Variants in DNAJC5 observed in about 807,000 individuals in gnomAD.
DNAJC5 encodes DnaJ heat shock protein family (Hsp40) member C5, also known as dnaJ homolog subfamily C member 5.
Under a neutral mutation model 23.2 loss-of-function variants are expected in DNAJC5, and 1 was observed. That is an observed-to-expected ratio of 0.04 (90% CI 0.02 to 0.20). The LOEUF is 0.20. Ranked by LOEUF, DNAJC5 falls within the 10% of genes least tolerant of loss-of-function variation. The probability of loss-of-function intolerance (pLI) is 1.00; values close to 1 mark genes in which losing one functional copy is unlikely to be tolerated. For missense variants in DNAJC5, 180 were observed against 267.0 expected, an observed-to-expected ratio of 0.67 and a Z score of 2.27; for synonymous variants, 136 against 120.0, an observed-to-expected ratio of 1.13 and a Z score of -0.87.
intron 1 of DNAJC5, among the ~76,000 whole-genome samples, chr20:63,905,219 G>A (rs564445440): frequency 2.6e-5 from 4 of 151,108 alleles, no homozygotes; most frequent in Non-Finnish European, 4.4e-5. Context: ...GGGTTCAAGT[G>A]ACTCTCCTGC....
At chr20:63,927,544 C>A (rs1022600596) in intron 1 of DNAJC5, among the ~76,000 whole-genome samples, 25 of 149,612 alleles carry the variant, frequency 1.7e-4, no homozygotes, top group Middle Eastern at 3.6e-3. Context: ...GTCCCCCCCC[C>A]CAAAAAAGAA....
At chr20:63,909,184 C>T (rs1263160508) in intron 1 of DNAJC5, 1 of 150,946 alleles carries the variant, frequency 6.6e-6, no homozygotes, top group African/African-American at 2.4e-5. Flanking sequence ...CATCCCAGCA[C>T]TTTGGGAAGC....
intron 1 of DNAJC5, among the ~76,000 whole-genome samples, chr20:63,921,024 G>T (rs1236528770): frequency 6.6e-6 from 1 of 151,918 alleles, no homozygotes; most frequent in African/African-American, 2.4e-5. Context: ...CAACGGCACG[G>T]TCTCAGCTCG....
At chr20:63,905,631 G>T (rs2146275396) in intron 1 of DNAJC5, among the ~76,000 whole-genome samples, 1 of 149,138 alleles carries the variant, frequency 6.7e-6, no homozygotes, top group Middle Eastern at 3.4e-3. Context: ...GCAATGATGT[G>T]ATCTCAGCTC....
At chr20:63,915,802 CTGTT>C (rs1316922261) in intron 1 of DNAJC5, among the ~76,000 whole-genome samples, 3 of 152,208 alleles carry the variant, frequency 2.0e-5, no homozygotes, top group African/African-American at 2.4e-5. Flanking sequence ...TCTTCCTCGA[CTGTT>C]TGTGCTGAAG....
At chr20:63,895,634 C>A (rs2053369697) in intron 1 of DNAJC5, among the ~76,000 whole-genome samples, 1 of 151,766 alleles carries the variant, frequency 6.6e-6, no homozygotes, top group Non-Finnish European at 1.5e-5. Flanking sequence ...GCCCCCTCCG[C>A]TCCCCCAGGT....
At chr20:63,905,829 G>T (rs2053445304) in intron 1 of DNAJC5, among the ~76,000 whole-genome samples, 1 of 151,908 alleles carries the variant, frequency 6.6e-6, no homozygotes, top group Admixed American at 6.6e-5. Flanking sequence ...CCGCCTCCTG[G>T]GTTCAAGCGA....
intron 1 of DNAJC5, among the ~76,000 whole-genome samples, chr20:63,910,729 A>G (rs6011220): frequency 0.21 from 31,633 of 150,038 alleles, 5,066 homozygotes; most frequent in East Asian, 0.61. Context: ...CTGGAGTGCC[A>G]TGGTATGATC....
chr20:63,908,468 A>G (rs2053461201), intron 1 of DNAJC5, among the ~76,000 whole-genome samples: 1 of 152,116 alleles, frequency 6.6e-6, no homozygotes, highest in Non-Finnish European at 1.5e-5. Context: ...CTGTCAGTCC[A>G]CTGTACAGTG....
At chr20:63,899,251 G>A (rs1297612409) in intron 1 of DNAJC5, among the ~76,000 whole-genome samples, 2 of 152,170 alleles carry the variant, frequency 1.3e-5, no homozygotes, top group African/African-American at 2.4e-5. Flanking sequence ...CCTAATCTAG[G>A]AGCTGGGACT....
chr20:63,924,478 C>T (rs1413533896), intron 1 of DNAJC5, among the ~76,000 whole-genome samples: 1 of 152,226 alleles, frequency 6.6e-6, no homozygotes, highest in Non-Finnish European at 1.5e-5. Flanking sequence ...CCTCGAGCTT[C>T]TGGGCTCAGC....
At chr20:63,912,684 T>C (rs1408307265) in intron 1 of DNAJC5, among the ~76,000 whole-genome samples, 2 of 152,210 alleles carry the variant, frequency 1.3e-5, no homozygotes, top group African/African-American at 4.8e-5. Context: ...CTCAGCTCAC[T>C]GCAACCTCCA....
At chr20:63,914,026 T>C (rs999030907) in intron 1 of DNAJC5, among the ~76,000 whole-genome samples, 1 of 152,050 alleles carries the variant, frequency 6.6e-6, no homozygotes, top group Non-Finnish European at 1.5e-5. Context: ...GCCACCATCT[T>C]GGGGGGACCA....
intron 1 of DNAJC5, among the ~76,000 whole-genome samples, chr20:63,921,911 T>G (rs2053576618): frequency 6.6e-6 from 1 of 151,964 alleles, no homozygotes; most frequent in African/African-American, 2.4e-5. Flanking sequence ...CCCAACTAGC[T>G]GGGATTACAG....
intron 1 of DNAJC5, among the ~76,000 whole-genome samples, chr20:63,918,339 G>A (rs2053530979): frequency 6.6e-6 from 1 of 152,118 alleles, no homozygotes; most frequent in South Asian, 2.1e-4. Flanking sequence ...AACATAGCAA[G>A]ACCCTGTCTC....
At chr20:63,909,451 C>T (rs1424466114) in intron 1 of DNAJC5, among the ~76,000 whole-genome samples, 3 of 152,110 alleles carry the variant, frequency 2.0e-5, no homozygotes, top group African/African-American at 4.8e-5. Flanking sequence ...TGCAGTGAGC[C>T]GAGATGGCGC....
intron 1 of DNAJC5, among the ~76,000 whole-genome samples, chr20:63,903,754 A>G (rs139982611): frequency 6.6e-6 from 1 of 151,756 alleles, no homozygotes; most frequent in South Asian, 2.1e-4. Flanking sequence ...GTTTGAGACT[A>G]GCCTGGCCAA....
chr20:63,897,280 G>A (rs2053381675), intron 1 of DNAJC5, among the ~76,000 whole-genome samples: 1 of 152,168 alleles, frequency 6.6e-6, no homozygotes, highest in East Asian at 1.9e-4. Flanking sequence ...TGTAATCCCA[G>A]CTACTAGGGA....
At chr20:63,927,226 ATG>A (rs1199579782) in intron 1 of DNAJC5, among the ~76,000 whole-genome samples, 1 of 151,638 alleles carries the variant, frequency 6.6e-6, no homozygotes, top group African/African-American at 2.4e-5. Context: ...TGTAGAAACA[ATG>A]TGTATTTGCC....
Sources: gnomAD v4.1 joint callset for allele counts (sites outside exome capture counted in the v4.1 genomes callset) on GRCh38, gnomAD v4.1.1 for gene constraint, MANE v1.5 for transcripts, NCBI Gene and HGNC (gene_info 2026-07-23, HGNC 2026-07-21) for gene names.